Variants in ADAMTS12 observed in about 807,000 individuals in gnomAD.
The protein encoded by ADAMTS12 is ADAM metallopeptidase with thrombospondin type 1 motif 12.
In ADAMTS12, 118 loss-of-function variants were observed where a neutral mutation model predicts 167.8. The observed-to-expected ratio is 0.70, with a 90% CI of 0.61 to 0.82. The LOEUF (loss-of-function observed/expected upper bound fraction) is 0.82, where lower values mean the gene tolerates loss of function less well. Ranked by LOEUF, ADAMTS12 falls within the 40% of genes least tolerant of loss-of-function variation. The probability of loss-of-function intolerance (pLI) is 0.00; values close to 1 mark genes in which losing one functional copy is unlikely to be tolerated. For synonymous variants in ADAMTS12, 704 were observed against 716.9 expected (o/e 0.98, Z 0.29); for missense variants, 1,916 against 1,998.8 (o/e 0.96, Z 0.79).
intron 2 of ADAMTS12, among the ~76,000 whole-genome samples, chr5:33,771,720 G>A (rs1248437839): frequency 7.0e-6 from 1 of 143,170 alleles, no homozygotes; most frequent in Non-Finnish European, 1.5e-5. Flanking sequence ...TTTATATATT[G>A]TATATTGTAT....
At chr5:33,764,729 T>C (rs1266549447) in intron 2 of ADAMTS12, among the ~76,000 whole-genome samples, 2 of 152,132 alleles carry the variant, frequency 1.3e-5, no homozygotes, top group East Asian at 3.9e-4. Context: ...GTCTGGGAAA[T>C]GAGCTTTAAA....
intron 3 of ADAMTS12, among the ~76,000 whole-genome samples, chr5:33,708,406 G>C (rs987004350): frequency 3.3e-5 from 5 of 152,262 alleles, no homozygotes; most frequent in East Asian, 1.9e-4. Context: ...CAAGGATCTA[G>C]AACCAGAAAT....
chr5:33,671,937 TAC>T (rs149375210), intron 5 of ADAMTS12, among the ~76,000 whole-genome samples: 9,730 of 128,354 alleles, frequency 0.076, 585 homozygotes, highest in East Asian at 0.33. Context: ...CATACTCACA[TAC>T]ACACACACAC....
intron 3 of ADAMTS12, among the ~76,000 whole-genome samples, chr5:33,733,831 T>C (rs1375131441): frequency 2.0e-5 from 3 of 152,232 alleles, no homozygotes; most frequent in Admixed American, 2.0e-4. Context: ...TTAACATGCA[T>C]GCATCATCTC....
chr5:33,654,511 G>T (rs1312484091), intron 7 of ADAMTS12, among the ~76,000 whole-genome samples: 1 of 152,146 alleles, frequency 6.6e-6, no homozygotes, highest in Non-Finnish European at 1.5e-5. Flanking sequence ...CAAAGGGATG[G>T]CTCCTTGTTA....
chr5:33,571,633 C>G (rs1320363127), intron 19 of ADAMTS12, among the ~76,000 whole-genome samples: 1 of 151,464 alleles, frequency 6.6e-6, no homozygotes, highest in African/African-American at 2.4e-5. Flanking sequence ...TAAATGCCCA[C>G]AAGAGAAAGC....
At position 33,768,095 on chromosome 5, in the gene ADAMTS12, G is replaced by A. The variant is rs147804709; in HGVS notation, c.490-16547C>T. Among the ~76,000 whole-genome samples, 680 of 152,260 alleles carry A rather than the reference G, an allele frequency of 4.5e-3. 3 individuals carry two copies. The highest frequency in any genetic ancestry group is 0.016 in the African/African-American group (658 of 41,524). On this transcript the variant is annotated intron_variant, in intron 2 of 23. Transcript: ENST00000504830. ...CCCTGGGGAGGCAACCATTCAGGCC[G>A]AAGTTAGTTGATAAAGAACAGCCAA...
At chr5:33,564,457 G>T (rs2111904035) in intron 19 of ADAMTS12, among the ~76,000 whole-genome samples, 1 of 152,350 alleles carries the variant, frequency 6.6e-6, no homozygotes, top group Middle Eastern at 3.4e-3. Context: ...ATCTGAATAA[G>T]TGTGAAATGA....
chr5:33,547,235 G>A (rs2111821574), intron 21 of ADAMTS12, among the ~76,000 whole-genome samples: 1 of 152,256 alleles, frequency 6.6e-6, no homozygotes, highest in South Asian at 2.1e-4. Context: ...GGTCAAAAAA[G>A]TGGTTCTCAA....
intron 5 of ADAMTS12, among the ~76,000 whole-genome samples, chr5:33,671,665 A>T (rs1741695219): frequency 6.6e-6 from 1 of 152,048 alleles, no homozygotes; most frequent in African/African-American, 2.4e-5. Flanking sequence ...AGTCTTTCAG[A>T]TGAGTTACAG....
At chr5:33,783,904 A>G (rs184567107) in intron 2 of ADAMTS12, among the ~76,000 whole-genome samples, 1 of 152,058 alleles carries the variant, frequency 6.6e-6, no homozygotes, top group African/African-American at 2.4e-5. Context: ...CACTAAGAAG[A>G]TACCACAAAA....
chr5:33,876,388 A>T (rs1750226131), intron 2 of ADAMTS12, among the ~76,000 whole-genome samples: 1 of 152,230 alleles, frequency 6.6e-6, no homozygotes, highest in Non-Finnish European at 1.5e-5. Flanking sequence ...TGATTTCATG[A>T]CTAATTATAT....
chr5:33,843,438 A>G (rs1386454883), intron 2 of ADAMTS12, among the ~76,000 whole-genome samples: 1 of 152,178 alleles, frequency 6.6e-6, no homozygotes, highest in Non-Finnish European at 1.5e-5. Flanking sequence ...GCAAGGGGGT[A>G]GTGAGTAGCC....
Position 33,576,084 on chromosome 5 carries a change from A to T in ADAMTS12, c.3942T>A (p.Ser1314=), listed in dbSNP as rs868243658. The T allele has an allele frequency of 3.1e-6, 5 of 1,614,024 alleles. No individual in the cohort carries two copies. The highest frequency in any genetic ancestry group is 1.6e-4 in the Middle Eastern group (1 of 6,084). The change falls in exon 19 of 24, where the codon TCT becomes TCA. Residue 1314 remains serine (S), a synonymous_variant. Transcript: ENST00000504830. ...TCCAGTTTCCGACGATCCAGTGTGC[A>T]GAGCCGTGGCCGTTTGTGAGCTGCT... The part of the protein sequence containing the change: ...NYKQLTNGHG[S]AHWIVGNWSE...
chr5:33,876,048 A>G (rs1451329190), intron 2 of ADAMTS12, among the ~76,000 whole-genome samples: 6 of 152,232 alleles, frequency 3.9e-5, no homozygotes, highest in Non-Finnish European at 8.8e-5. Context: ...AATTAAAAAT[A>G]TAAGGACTTA....
intron 22 of ADAMTS12, among the ~76,000 whole-genome samples, chr5:33,543,482 A>C (rs1345504442): frequency 2.0e-5 from 3 of 152,244 alleles, no homozygotes; most frequent in Non-Finnish European, 4.4e-5. Flanking sequence ...CAATCAATAG[A>C]AAAAGAGGGA....
intron 5 of ADAMTS12, among the ~76,000 whole-genome samples, chr5:33,673,357 T>C (rs1741787912): frequency 6.6e-6 from 1 of 152,164 alleles, no homozygotes; most frequent in Admixed American, 6.6e-5. Context: ...CCTCCACAGG[T>C]ACTTTCAACT....
intron 18 of ADAMTS12, among the ~76,000 whole-genome samples, chr5:33,587,636 G>A (rs1205634728): frequency 2.6e-5 from 4 of 152,016 alleles, no homozygotes; most frequent in African/African-American, 4.8e-5. Context: ...ATTTTTCATA[G>A]AGATGGTGTT....
chr5:33,613,942 T>C (rs1738853221), intron 16 of ADAMTS12, among the ~76,000 whole-genome samples: 1 of 152,228 alleles, frequency 6.6e-6, no homozygotes, highest in Non-Finnish European at 1.5e-5. Flanking sequence ...ACCAGAGCAT[T>C]GGTTGTTAAT....
Sources: allele counts gnomAD v4.1 joint callset (sites outside exome capture counted in the v4.1 genomes callset), GRCh38; gene constraint gnomAD v4.1.1; transcripts MANE v1.5; gene names NCBI Gene and HGNC (gene_info 2026-07-23, HGNC 2026-07-21).